NEK6: variants seen among roughly 807,000 people sequenced by gnomAD.
NEK6 encodes serine/threonine-protein kinase Nek6.
NEK6 carries 27 observed loss-of-function variants against 43.5 expected under a neutral mutation model. The observed-to-expected ratio is 0.62, with a 90% CI of 0.46 to 0.86. The LOEUF (loss-of-function observed/expected upper bound fraction) is 0.86. NEK6 is among the 40% of genes least tolerant of loss of function. NEK6 has a pLI of 0.00. For missense variants in NEK6, 318 were observed against 414.4 expected (o/e 0.77, Z 2.02); for synonymous variants, 167 against 164.1 (o/e 1.02, Z -0.14).
chr9:124,300,748 AC>A (rs1832926708), intron 1 of NEK6, among the ~76,000 whole-genome samples: 1 of 152,136 alleles, frequency 6.6e-6, no homozygotes, highest in African/African-American at 2.4e-5. Flanking sequence ...CTGAGACGGG[AC>A]TGGCTTTCAT....
intron 1 of NEK6, among the ~76,000 whole-genome samples, chr9:124,283,888 T>G (rs1832035099): frequency 6.6e-6 from 1 of 152,220 alleles, no homozygotes; most frequent in South Asian, 2.1e-4. Context: ...GCACCCTGGT[T>G]GTAGTTTAAG....
chr9:124,303,854 A>G (rs560553173), intron 2 of NEK6, among the ~76,000 whole-genome samples: 1 of 152,342 alleles, frequency 6.6e-6, no homozygotes, highest in Non-Finnish European at 1.5e-5. Flanking sequence ...CCCCTTGATT[A>G]ATCTCCCAGA....
intron 1 of NEK6, among the ~76,000 whole-genome samples, chr9:124,290,220 A>G (rs550824506): frequency 3.3e-4 from 51 of 152,326 alleles, no homozygotes; most frequent in Non-Finnish European, 6.2e-4. Flanking sequence ...GGCCTGGCCT[A>G]TCTGGAGCCT....
At position 124,258,051 on chromosome 9, in the gene NEK6, G is replaced by C; in HGVS notation, c.-64G>C. On this transcript the variant is annotated 5_prime_UTR_variant, in exon 1 of 10. Coordinates refer to ENST00000320246, the MANE Select transcript of NEK6 (RefSeq NM_014397.6). ...CAGCCGCCCGCGGGCCAGCGCACCGGTCCCCCAGCGGCAGCCGAGCCCGCC... is the reference window on the plus strand; with the variant it reads ...CAGCCGCCCGCGGGCCAGCGCACCGCTCCCCCAGCGGCAGCCGAGCCCGCC... 1.0e-6 allele frequency: 1 copy of C among 979,174 alleles called. No homozygotes were observed. Among genetic ancestry groups the C allele is most frequent in the African/African-American group, 1.8e-5 (1 of 56,720 alleles). 60.7% of individuals were successfully genotyped at this position (979,174 alleles called of 1,614,324 possible). A position where few individuals can be genotyped will look rare whatever the true frequency, so the allele number is the denominator to read the frequency against.
intron 2 of NEK6, among the ~76,000 whole-genome samples, chr9:124,308,189 T>C (rs1298890619): frequency 6.6e-6 from 1 of 152,138 alleles, no homozygotes; most frequent in African/African-American, 2.4e-5. Context: ...AGTGGCAGAA[T>C]TGAGGTTTGA....
intron 7 of NEK6, among the ~76,000 whole-genome samples, chr9:124,330,587 C>T (rs1175179055): frequency 6.6e-6 from 1 of 152,218 alleles, no homozygotes; most frequent in Non-Finnish European, 1.5e-5. Context: ...TGGGGGTGAC[C>T]CCATCAGGTA....
intron 4 of NEK6, among the ~76,000 whole-genome samples, chr9:124,315,959 A>G (rs1417527175): frequency 6.6e-6 from 1 of 152,216 alleles, no homozygotes; most frequent in African/African-American, 2.4e-5. Context: ...GTGAGGAAGC[A>G]TGTCTGACGA....
chr9:124,260,656 CT>C (rs1830995361), intron 1 of NEK6, among the ~76,000 whole-genome samples: 2 of 152,204 alleles, frequency 1.3e-5, no homozygotes, highest in African/African-American at 4.8e-5. Flanking sequence ...CCGCCTTGGC[CT>C]CCCAAAGTGC....
chr9:124,349,936 T>A (rs1342778399), intron 9 of NEK6, among the ~76,000 whole-genome samples: 1 of 152,180 alleles, frequency 6.6e-6, no homozygotes, highest in East Asian at 1.9e-4. Flanking sequence ...CCCCATCAGC[T>A]GAGAGGAGCC....
At chr9:124,332,561 A>G (rs1829058733) in intron 7 of NEK6, among the ~76,000 whole-genome samples, 1 of 152,196 alleles carries the variant, frequency 6.6e-6, no homozygotes, top group South Asian at 2.1e-4. Context: ...CGCCGGCTGG[A>G]CGGATGTCAG....
chr9:124,321,150 G>T (rs995490597), intron 4 of NEK6, among the ~76,000 whole-genome samples: 1 of 152,198 alleles, frequency 6.6e-6, no homozygotes, highest in African/African-American at 2.4e-5. Flanking sequence ...GTCTCACATA[G>T]CTCTGTGCGG....
intron 7 of NEK6, 29 bp downstream of exon 7, chr9:124,327,474 GC>G: frequency 1.3e-6 from 2 of 1,550,092 alleles, no homozygotes. Context: ...TGCCCCAGCA[GC>G]CCCCAGCGGT....
At chr9:124,265,158 A>G (rs889457140) in intron 1 of NEK6, among the ~76,000 whole-genome samples, 1 of 152,244 alleles carries the variant, frequency 6.6e-6, no homozygotes, top group Non-Finnish European at 1.5e-5. Context: ...GTTGCACAAC[A>G]TTGTGATTGT....
chr9:124,328,368 G>C (rs1026451644), intron 7 of NEK6, among the ~76,000 whole-genome samples: 2 of 152,134 alleles, frequency 1.3e-5, no homozygotes, highest in Non-Finnish European at 2.9e-5. Context: ...TTTCCCAGAG[G>C]CCCATGGAGT....
intron 1 of NEK6, among the ~76,000 whole-genome samples, chr9:124,289,050 A>G (rs959894846): frequency 6.6e-5 from 10 of 151,728 alleles, no homozygotes; most frequent in Admixed American, 6.6e-4. Context: ...GCACAATACT[A>G]GCTCTCCACA....
At chr9:124,321,747 C>T (rs1588510759) in intron 5 of NEK6, among the ~76,000 whole-genome samples, 178 bp downstream of exon 5, 1 of 152,242 alleles carries the variant, frequency 6.6e-6, no homozygotes, top group East Asian at 1.9e-4. Flanking sequence ...GTGAGGGCCT[C>T]TCAGGGTCCG....
chr9:124,295,308 CTGTGGCT>C (rs1190028217), intron 1 of NEK6, among the ~76,000 whole-genome samples: 3 of 152,218 alleles, frequency 2.0e-5, no homozygotes, highest in Non-Finnish European at 4.4e-5. Flanking sequence ...CAGACTCCAT[CTGTGGCT>C]TGTCCCCTCC....
At chr9:124,292,654 T>C in intron 1 of NEK6, 1 of 1,381,924 alleles carries the variant, frequency 7.2e-7, no homozygotes, top group Non-Finnish European at 9.8e-7. Flanking sequence ...AATCCATCCC[T>C]TCCCTTAAGC....
chr9:124,348,768 C>T (rs749946218), intron 9 of NEK6, among the ~76,000 whole-genome samples: 1 of 152,204 alleles, frequency 6.6e-6, no homozygotes, highest in East Asian at 1.9e-4. Context: ...CTGGGGCCTC[C>T]GTGGGCCCAC....
Sources: allele counts gnomAD v4.1 joint callset (sites outside exome capture counted in the v4.1 genomes callset), GRCh38; gene constraint gnomAD v4.1.1; transcripts MANE v1.5; gene names NCBI Gene and HGNC (gene_info 2026-07-23, HGNC 2026-07-21).